Variants in ICE1 observed in about 807,000 individuals in gnomAD.
ICE1 encodes the protein little elongation complex subunit 1.
A neutral mutation model predicts 192.7 loss-of-function variants in ICE1; 64 were observed. The observed-to-expected ratio is 0.33, with a 90% confidence interval of 0.27 to 0.41. ICE1 has a LOEUF of 0.41. Ranked by LOEUF, ICE1 falls within the 10% of genes least tolerant of loss-of-function variation. ICE1 has a pLI of 1.00. For synonymous variants in ICE1, 1,010 were observed against 984.5 expected (o/e 1.03, Z -0.49); for missense variants, 2,708 against 2,696.0 (o/e 1.00, Z -0.10).
chr5:5,464,089 G>A lies in ICE1; in HGVS notation c.4755G>A (p.Gln1585=). Residue 1585 remains glutamine, a synonymous_variant, in exon 13 of 19, where the codon CAG becomes CAA. Transcript: ENST00000296564. This position sits in a 1 kb window ranked among gnomAD's most constrained non-coding sequence, Gnocchi z 4.0. ...RVETHQSEVA[Q]SFSGEKANTK... Reference sequence around the variant, plus strand: ...AAACTCATCAGAGTGAAGTTGCTCAGTCATTTTCAGGGGAAAAAGCTAATA... The same window carrying A: ...AAACTCATCAGAGTGAAGTTGCTCAATCATTTTCAGGGGAAAAAGCTAATA... 1 of 1,613,496 alleles carries A rather than the reference G, an allele frequency of 6.2e-7. No homozygotes were observed. Among genetic ancestry groups the A allele is most frequent in the Non-Finnish European group, 8.5e-7 (1 of 1,179,882 alleles).
intron 7 of ICE1, among the ~76,000 whole-genome samples, chr5:5,444,846 C>T (rs750088011): frequency 1.8e-4 from 27 of 152,280 alleles, no homozygotes; most frequent in Non-Finnish European, 2.9e-4. Context: ...TGAGTAGGTA[C>T]GAGTGCAGAG....
At chr5:5,470,856 A>C (rs1579573404) in intron 15 of ICE1, among the ~76,000 whole-genome samples, 1 of 152,224 alleles carries the variant, frequency 6.6e-6, no homozygotes, top group South Asian at 2.1e-4. Flanking sequence ...AAGTAAAATC[A>C]CAGTCTTAAA....
Position 5,486,717 on chromosome 5 carries a change from CTAGGTCGTT to C in ICE1, c.6522_6530del (p.Arg2175_Gly2177del). On this transcript the variant is annotated splice_acceptor_variant and splice_polypyrimidine_tract_variant and coding_sequence_variant and intron_variant, in exon 18 of 19. Transcript: ENST00000296564. LOFTEE classifies it high-confidence loss of function. ...CTGTTTACATTTTGGTTTGTTTCCC[CTAGGTCGTT>C]TAGGCCAATTGGGTTTGAAAGAAGG... is the stretch of plus-strand genomic sequence containing the variant. The C allele has an allele frequency of 6.3e-7, 1 of 1,588,152 alleles. No homozygotes were observed. Among genetic ancestry groups the C allele is most frequent in the Non-Finnish European group, 8.6e-7 (1 of 1,165,242 alleles).
At chr5:5,447,622 A>C in intron 8 of ICE1, 99 bp from the exon 9 acceptor site, 1 of 1,375,830 alleles carries the variant, frequency 7.3e-7, no homozygotes, top group Non-Finnish European at 1.0e-6. Flanking sequence ...TGGCAAAAAC[A>C]GTCCCAGCTG....
Position 5,457,340 on chromosome 5 carries a change from G to A in ICE1, c.700G>A (p.Ala234Thr), listed in dbSNP as rs1738615727. ...EGSRCVPEKP[A>T]KAITSSRVPG... ...TTTGTTCCCCCACATAGAAAAACCT[G>A]CCAAAGCAATCACCAGCTCCAGAGT... The change falls in exon 12 of 19, where the codon GCC becomes ACC. Residue 234 changes from alanine to threonine, a missense_variant. Ala to Thr is a moderately conservative substitution (Grantham distance 58, BLOSUM62 0). Coordinates refer to ENST00000296564, the MANE Select transcript of ICE1 (RefSeq NM_015325.3). 2 of 1,597,168 alleles carry A rather than the reference G, an allele frequency of 1.3e-6. No homozygotes were observed. The highest frequency in any genetic ancestry group is 8.5e-7 in the Non-Finnish European group (1 of 1,171,142).
rs1442534864 is a variant in ICE1, at chr5:5,468,828, A to G, written c.6062A>G (p.Asp2021Gly). 6 of 1,560,980 alleles carry G rather than the reference A, an allele frequency of 3.8e-6. No homozygotes were observed. Among genetic ancestry groups the G allele is most frequent in the Non-Finnish European group, 5.2e-6 (6 of 1,150,398 alleles). The change falls in exon 15 of 19, where the codon GAT becomes GGT. Residue 2021 changes from aspartate to glycine, a missense_variant and splice_region_variant. Around this residue, in one of 2 missense-constraint regions of ICE1, gnomAD observed 342 missense variants for 419.3 expected, o/e 0.82. Coordinates refer to ENST00000296564, the MANE Select transcript of ICE1 (RefSeq NM_015325.3). ...TATTGTATTATTTTATTTCTGATAG[A>G]TTTTCCGGAGTCTGAAAAATTAACT... ...RLFCYSLLKE[D>G]FPESEKLTLF...
chr5:5,465,047 A>G lies in ICE1; in HGVS notation c.5713A>G (p.Lys1905Glu), dbSNP rs562902591. The G allele has an allele frequency of 1.2e-6, 2 of 1,613,964 alleles. No homozygotes were observed. The highest frequency in any genetic ancestry group is 1.3e-5 in the African/African-American group (1 of 75,052). The change falls in exon 13 of 19, where the codon AAA becomes GAA. Residue 1905 changes from lysine to glutamate, a missense_variant. Lys to Glu is a moderately conservative substitution (Grantham distance 56). Around this residue, in one of 2 missense-constraint regions of ICE1, gnomAD observed 2,366 missense variants for 2,276.6 expected, o/e 1.04. Coordinates refer to ENST00000296564, the MANE Select transcript of ICE1 (RefSeq NM_015325.3). Reference sequence around the variant, plus strand: ...AGTTTCACAGTTGCCTTTAAGCCCAAAAGAAACTGTGGAGTCCCATGATAA... The same window carrying G: ...AGTTTCACAGTTGCCTTTAAGCCCAGAAGAAACTGTGGAGTCCCATGATAA... Reference protein sequence around the residue: ...SAVSQLPLSPKETVESHDKAI... With the variant: ...SAVSQLPLSPEETVESHDKAI...
At chr5:5,475,543 A>C (rs1739283632) in intron 16 of ICE1, among the ~76,000 whole-genome samples, 1 of 152,180 alleles carries the variant, frequency 6.6e-6, no homozygotes, top group African/African-American at 2.4e-5. Context: ...CTGAAGTTAC[A>C]GTTTTCCTCT....
chr5:5,449,537 T>C (rs1348777954), intron 10 of ICE1, among the ~76,000 whole-genome samples: 1 of 151,550 alleles, frequency 6.6e-6, no homozygotes, highest in African/African-American at 2.4e-5. Context: ...ATGAGGAAGA[T>C]GCACAGCAGA....
chr5:5,444,191 A>G, intron 6 of ICE1, 98 bp from the exon 7 acceptor site: 1 of 746,628 alleles, frequency 1.3e-6, no homozygotes, highest in Non-Finnish European at 2.3e-6. Context: ...TTGTTATACA[A>G]ATATTTGTAA....
intron 1 of ICE1, among the ~76,000 whole-genome samples, chr5:5,428,956 T>C (rs920154387): frequency 4.6e-5 from 7 of 152,188 alleles, no homozygotes; most frequent in African/African-American, 1.7e-4. Context: ...TCAGTACTCA[T>C]AGGACTTAGC....
At position 5,464,216 on chromosome 5, in the gene ICE1, G is replaced by C; in HGVS notation, c.4882G>C (p.Val1628Leu). ...CACACTGAGTAAAATACGGCAAGAG[G>C]TGGGGCCTCCTTTGCCGCCTCTGCT... ...PDTLSKIRQE[V>L]GPPLPPLLAP... The change falls in exon 13 of 19, where the codon GTG becomes CTG. Residue 1628 changes from valine (V) to leucine (L), a missense_variant. Transcript: ENST00000296564. This position sits in a 1 kb window ranked among gnomAD's most constrained non-coding sequence, Gnocchi z 4.0. 1 of 1,613,516 alleles carries C rather than the reference G, an allele frequency of 6.2e-7. No homozygotes were observed. Among genetic ancestry groups the C allele is most frequent in the Non-Finnish European group, 8.5e-7 (1 of 1,179,808 alleles).
At chr5:5,424,182 C>T (rs1297556835) in intron 1 of ICE1, among the ~76,000 whole-genome samples, 3 of 152,096 alleles carry the variant, frequency 2.0e-5, no homozygotes, top group Admixed American at 1.3e-4. Context: ...TGAGACCAGA[C>T]GGGAGTGCAG....
In ICE1 at chr5:5,455,461, G is replaced by C. The variant is rs901413819; in HGVS notation, c.691+823G>C. 2.0e-5 allele frequency among the ~76,000 whole-genome samples: 3 copies of C among 152,228 alleles called. 1 individual carries two copies. The South Asian group carries it at 6.2e-4, about 32-fold the overall frequency. On this transcript the variant is annotated intron_variant, in intron 11 of 18. Coordinates refer to ENST00000296564, the MANE Select transcript of ICE1 (RefSeq NM_015325.3). The stretch of plus-strand genomic sequence containing the variant: ...ATAATTTATCAATTCATCTGTTTAG[G>C]CAGAAGCAACCAAGGGATGCTTTTT...
At chr5:5,444,378 G>C (rs1371792800) in intron 7 of ICE1, 52 bp downstream of exon 7, 2 of 1,262,168 alleles carry the variant, frequency 1.6e-6, no homozygotes, top group South Asian at 1.3e-5. Flanking sequence ...AAAATCACTG[G>C]TAACTGTATG....
chr5:5,464,339 G>A lies in ICE1; in HGVS notation c.5005G>A (p.Val1669Ile), dbSNP rs183301679. ...PSSPASPVGQ[V>I]SPFRETPVPP... is the part of the protein sequence containing the mutation. ...CTCACCAGCCTCTCCTGTTGGCCAG[G>A]TTTCTCCCTTCCGTGAAACCCCAGT... The change falls in exon 13 of 19, where the codon GTT becomes ATT. Residue 1669 changes from valine (V) to isoleucine (I), a missense_variant. This residue lies in a region of ICE1 where 2,366 missense variants were observed against 2,276.6 expected (regional missense o/e 1.04). Transcript: ENST00000296564. This position sits in a 1 kb window ranked among gnomAD's most constrained non-coding sequence, Gnocchi z 4.0. The A allele has an allele frequency of 1.0e-4, 162 of 1,613,596 alleles. No homozygotes were observed. The highest frequency in any genetic ancestry group is 1.3e-4 in the Non-Finnish European group (156 of 1,179,830).
At chr5:5,467,109 T>A (rs1561093941) in intron 14 of ICE1, among the ~76,000 whole-genome samples, 1 of 152,226 alleles carries the variant, frequency 6.6e-6, no homozygotes, top group Non-Finnish European at 1.5e-5. Flanking sequence ...ACCATGTTTA[T>A]GGGGCTTATA....
chr5:5,484,491 C>G (rs1201336784), intron 17 of ICE1, among the ~76,000 whole-genome samples: 2 of 152,136 alleles, frequency 1.3e-5, no homozygotes, highest in Non-Finnish European at 2.9e-5. Context: ...AATCTGATTG[C>G]AAAGAGATAT....
rs374593611 is a variant in ICE1, at chr5:5,444,301, A to C, written c.399A>C (p.Leu133=). 5.4e-5 allele frequency: 85 copies of C among 1,566,914 alleles called. 1 individual carries two copies. The South Asian group carries it at 9.2e-4, about 17-fold the overall frequency. ...ATTTCGTTATTAGGAAGAAGAAACT[A>C]GAAGCTAAGGTGAAGAAGCTGCAAG... is the stretch of plus-strand genomic sequence containing the variant. ...CLKSDAQKKK[L]EAKVKKLQEA... Residue 133 remains leucine, a synonymous_variant, in exon 7 of 19, where the codon CTA becomes CTC. Coordinates refer to ENST00000296564, the MANE Select transcript of ICE1 (RefSeq NM_015325.3).
Sources: allele counts gnomAD v4.1 joint callset (sites outside exome capture counted in the v4.1 genomes callset), GRCh38; gene constraint gnomAD v4.1.1; regional missense constraint gnomAD v4.1.1; non-coding constraint Gnocchi (gnomAD v3.1); transcripts MANE v1.5; gene names NCBI Gene and HGNC (gene_info 2026-07-23, HGNC 2026-07-21).